Variants in MITF observed in about 807,000 individuals in gnomAD.
The protein encoded by MITF is melanocyte inducing transcription factor, also known as microphthalmia-associated transcription factor.
A neutral mutation model predicts 60.5 loss-of-function variants in MITF; 17 were observed. That is an observed-to-expected ratio of 0.28 (90% CI 0.19 to 0.42). The LOEUF (loss-of-function observed/expected upper bound fraction) is 0.42. Ranked by LOEUF, MITF falls within the 10% of genes least tolerant of loss-of-function variation. The pLI, the probability that MITF is intolerant of heterozygous loss-of-function variation, is 1.00. For synonymous variants in MITF, 260 were observed against 248.5 expected (o/e 1.05, Z -0.43); for missense variants, 622 against 683.5 (o/e 0.91, Z 1.00).
intron 1 of MITF, among the ~76,000 whole-genome samples, chr3:69,781,202 T>C (rs1480437226): frequency 6.6e-6 from 1 of 152,156 alleles, no homozygotes; most frequent in Non-Finnish European, 1.5e-5. Flanking sequence ...TACTATTAAG[T>C]GATAAGACAG....
At chr3:69,784,142 T>C (rs1330016699) in intron 1 of MITF, among the ~76,000 whole-genome samples, 1 of 152,098 alleles carries the variant, frequency 6.6e-6, no homozygotes, top group African/African-American at 2.4e-5. Context: ...AAAGGAGCCA[T>C]TGGGGAAGAG....
chr3:69,809,143 T>A (rs182094271), intron 1 of MITF, among the ~76,000 whole-genome samples: 1 of 152,290 alleles, frequency 6.6e-6, no homozygotes, highest in East Asian at 1.9e-4. Context: ...ATTTTGTGCC[T>A]CCTATAATAA....
chr3:69,792,549 A>G (rs570746738), intron 1 of MITF, among the ~76,000 whole-genome samples: 4 of 152,122 alleles, frequency 2.6e-5, no homozygotes, highest in Non-Finnish European at 5.9e-5. Context: ...AAAGAAATCA[A>G]TATTAAGAGT....
intron 1 of MITF, among the ~76,000 whole-genome samples, chr3:69,820,457 A>G (rs1316368278): frequency 8.3e-6 from 1 of 120,724 alleles, no homozygotes; most frequent in Non-Finnish European, 2.0e-5. Flanking sequence ...CAATGAAAAC[A>G]AGAGTAGGAT....
intron 2 of MITF, among the ~76,000 whole-genome samples, chr3:69,919,599 T>G (rs1478948316): frequency 6.6e-6 from 1 of 152,190 alleles, no homozygotes; most frequent in Non-Finnish European, 1.5e-5. Flanking sequence ...TATGGAAAAT[T>G]TCTAATAAAT....
chr3:69,800,121 G>T lies in MITF; in HGVS notation c.104+60420G>T, dbSNP rs186644984. On this transcript the variant is annotated intron_variant, in intron 1 of 9. Transcript: ENST00000352241. ...ATTAGCAGTTAGTCCCAACTCCCCT[G>T]CTCCTATCCCATGGCAACCATTAAT... Among the ~76,000 whole-genome samples the T allele has an allele frequency of 5.1e-3, 777 of 152,196 alleles. 2 individuals carry two copies. The highest frequency in any genetic ancestry group is 0.013 in the South Asian group (63 of 4,820).
chr3:69,739,786 G>A, intron 1 of MITF, 85 bp downstream of exon 1: 2 of 1,001,194 alleles, frequency 2.0e-6, no homozygotes, highest in Non-Finnish European at 3.1e-6. Context: ...AGCGGGTCGC[G>A]GGAGCTCTGG....
chr3:69,925,486 A>T (rs138944537), intron 2 of MITF, among the ~76,000 whole-genome samples: 2 of 152,340 alleles, frequency 1.3e-5, no homozygotes, highest in East Asian at 3.9e-4. Flanking sequence ...CTTAATGTTT[A>T]TGCTGTTTTT....
chr3:69,854,587 G>A (rs2107189102), intron 1 of MITF, among the ~76,000 whole-genome samples: 1 of 152,230 alleles, frequency 6.6e-6, no homozygotes, highest in Admixed American at 6.5e-5. Flanking sequence ...AGAATGTGTG[G>A]ATGTGGAGCT....
At chr3:69,804,714 G>A (rs953262005) in intron 1 of MITF, among the ~76,000 whole-genome samples, 2 of 152,044 alleles carry the variant, frequency 1.3e-5, no homozygotes, top group Non-Finnish European at 2.9e-5. Context: ...TTCTGCTTTC[G>A]AGGGTCTCTG....
intron 2 of MITF, among the ~76,000 whole-genome samples, chr3:69,895,808 T>TTGTGTGTGTG (rs35088149): frequency 1.8e-4 from 25 of 140,142 alleles, no homozygotes; most frequent in East Asian, 8.4e-4. Context: ...TGTGGAGTGT[T>TTGTGTGTGTG]TGTGTGTGTG....
intron 2 of MITF, among the ~76,000 whole-genome samples, chr3:69,899,111 G>A (rs1390998934): frequency 3.9e-5 from 6 of 152,306 alleles, no homozygotes; most frequent in African/African-American, 1.2e-4. Context: ...TGTTTGGGCC[G>A]GGAAGAGTTC....
intron 2 of MITF, among the ~76,000 whole-genome samples, chr3:69,937,499 G>A (rs1306681334): frequency 1.3e-5 from 2 of 152,018 alleles, no homozygotes; most frequent in East Asian, 3.9e-4. Context: ...ACCCTTTCAT[G>A]TGTGTTGGGG....
chr3:69,882,740 G>C (rs142620143), intron 2 of MITF, among the ~76,000 whole-genome samples: 1 of 152,052 alleles, frequency 6.6e-6, no homozygotes. Flanking sequence ...AAAGCATCAC[G>C]GTACAAACCA....
chr3:69,861,820 G>A (rs2064021956), intron 1 of MITF, among the ~76,000 whole-genome samples: 1 of 152,130 alleles, frequency 6.6e-6, no homozygotes, highest in Non-Finnish European at 1.5e-5. Context: ...AGGCCATCTG[G>A]ACAAAAGAGA....
At chr3:69,916,264 CTT>C (rs2065332347) in intron 2 of MITF, among the ~76,000 whole-genome samples, 1 of 151,972 alleles carries the variant, frequency 6.6e-6, no homozygotes, top group African/African-American at 2.4e-5. Flanking sequence ...AATAAACTGA[CTT>C]ATTTTGCCAT....
At chr3:69,784,316 A>G (rs1033422237) in intron 1 of MITF, among the ~76,000 whole-genome samples, 1 of 152,146 alleles carries the variant, frequency 6.6e-6, no homozygotes, top group Non-Finnish European at 1.5e-5. Context: ...TTCAGAAGCA[A>G]CTTAATACTC....
intron 1 of MITF, among the ~76,000 whole-genome samples, chr3:69,744,765 TG>T (rs894419536): frequency 2.6e-5 from 4 of 152,260 alleles, no homozygotes; most frequent in African/African-American, 9.6e-5. Flanking sequence ...AATTCCTTTT[TG>T]CTTTTCTTCT....
At chr3:69,810,527 A>G (rs1284622260) in intron 1 of MITF, among the ~76,000 whole-genome samples, 1 of 152,314 alleles carries the variant, frequency 6.6e-6, no homozygotes, top group East Asian at 1.9e-4. Flanking sequence ...CTTTTTTAAC[A>G]TACTAGTTTT....
Sources: gnomAD v4.1 joint callset for allele counts (sites outside exome capture counted in the v4.1 genomes callset) on GRCh38, gnomAD v4.1.1 for gene constraint, MANE v1.5 for transcripts, NCBI Gene and HGNC (gene_info 2026-07-23, HGNC 2026-07-21) for gene names.